The following KCTD16 variants were observed in gnomAD, a reference collection of about 807,000 sequenced individuals.
The protein encoded by KCTD16 is BTB/POZ domain-containing protein KCTD16.
A neutral mutation model predicts 33.2 loss-of-function variants in KCTD16; 13 were observed. That is an observed-to-expected ratio of 0.39 (90% CI 0.25 to 0.62). The LOEUF (loss-of-function observed/expected upper bound fraction) is 0.62. Among genes scored for constraint, KCTD16 ranks in the 20% least tolerant of loss-of-function variants. KCTD16 has a pLI of 0.50. For missense variants in KCTD16, 441 were observed against 525.1 expected (o/e 0.84, Z 1.57); for synonymous variants, 197 against 195.3 (o/e 1.01, Z -0.07).
At chr5:144,324,554 A>G (rs910610141) in intron 3 of KCTD16, among the ~76,000 whole-genome samples, 7 of 152,198 alleles carry the variant, frequency 4.6e-5, no homozygotes, top group Non-Finnish European at 1.0e-4. Context: ...ATACCATTTG[A>G]TCCAGCAATC....
At chr5:144,344,384 C>G (rs1752727388) in intron 3 of KCTD16, among the ~76,000 whole-genome samples, 1 of 136,172 alleles carries the variant, frequency 7.3e-6, no homozygotes, top group Admixed American at 7.3e-5. Context: ...AGCTTCTGCA[C>G]AGCAAAAGAA....
chr5:144,397,040 A>G (rs1468513293), intron 3 of KCTD16, among the ~76,000 whole-genome samples: 3 of 151,110 alleles, frequency 2.0e-5, no homozygotes, highest in Non-Finnish European at 4.4e-5. Flanking sequence ...CGTCATTTAC[A>G]TTAGGTATAT....
chr5:144,429,816 C>A (rs1243936757), intron 3 of KCTD16, among the ~76,000 whole-genome samples: 1 of 151,986 alleles, frequency 6.6e-6, no homozygotes, highest in African/African-American at 2.4e-5. Context: ...CAGGAATATA[C>A]AGTGCCGCCA....
intron 2 of KCTD16, among the ~76,000 whole-genome samples, chr5:144,193,530 A>G (rs1752884375): frequency 1.3e-5 from 2 of 152,030 alleles, no homozygotes; most frequent in South Asian, 4.1e-4. Flanking sequence ...AAGATTTTTT[A>G]AATATTACCT....
rs1302590839 is a variant in KCTD16 at position 144,376,406 on chromosome 5, A to G, written c.833-97254A>G. ...TAATAATTCCTTTGTAGAGAGAGAT[A>G]GACTTTGCTGAGAAAATGATTTGAT... On this transcript the variant is annotated intron_variant, in intron 3 of 3. Coordinates refer to ENST00000512467, the MANE Select transcript of KCTD16 (RefSeq NM_020768.4). Among the ~76,000 whole-genome samples, 4 of 152,218 alleles carry G rather than the reference A, an allele frequency of 2.6e-5. No homozygotes were observed. In the South Asian group the frequency reaches 8.3e-4, roughly 32 times the overall value.
intron 3 of KCTD16, among the ~76,000 whole-genome samples, chr5:144,465,802 G>A (rs1445488197): frequency 2.5e-5 from 1 of 39,730 alleles, no homozygotes; most frequent in Non-Finnish European, 5.3e-5. Flanking sequence ...TTTTTTTTTT[G>A]CCAGGAGGAT....
At chr5:144,360,935 G>A (rs1348002616) in intron 3 of KCTD16, among the ~76,000 whole-genome samples, 1 of 150,656 alleles carries the variant, frequency 6.6e-6, no homozygotes, top group South Asian at 2.1e-4. Context: ...TTAAGTTTTA[G>A]GGTACATGTG....
chr5:144,343,768 T>C (rs1466147847), intron 3 of KCTD16, among the ~76,000 whole-genome samples: 1 of 152,218 alleles, frequency 6.6e-6, no homozygotes, highest in African/African-American at 2.4e-5. Flanking sequence ...CCAGAGATTC[T>C]GGTATGTTGT....
At chr5:144,243,378 G>T (rs545797715) in intron 3 of KCTD16, among the ~76,000 whole-genome samples, 4 of 152,124 alleles carry the variant, frequency 2.6e-5, no homozygotes, top group African/African-American at 9.7e-5. Context: ...TCCTCCTCAA[G>T]GGGAGAATAT....
chr5:144,202,807 A>T (rs1355591930), intron 2 of KCTD16, among the ~76,000 whole-genome samples: 6 of 152,220 alleles, frequency 3.9e-5, no homozygotes, highest in Non-Finnish European at 7.3e-5. Flanking sequence ...AGGTGGTATG[A>T]TCAAATCATG....
At chr5:144,312,225 G>A (rs1299377007) in intron 3 of KCTD16, among the ~76,000 whole-genome samples, 1 of 152,178 alleles carries the variant, frequency 6.6e-6, no homozygotes, top group Non-Finnish European at 1.5e-5. Context: ...TGGAGATTCT[G>A]TTTATACGTG....
chr5:144,194,892 A>C (rs540559287), intron 2 of KCTD16, among the ~76,000 whole-genome samples: 1 of 152,232 alleles, frequency 6.6e-6, no homozygotes, highest in Non-Finnish European at 1.5e-5. Flanking sequence ...TGTGAATACT[A>C]TGAATTTGTG....
rs971485328 is a variant in KCTD16, at chr5:144,483,443, C to T, written c.*9329C>T. The T allele has an allele frequency of 2.0e-5, 3 of 151,830 alleles. No homozygotes were observed. Among genetic ancestry groups the T allele is most frequent in the Admixed American group, 1.3e-4 (2 of 15,210 alleles). 9.4% of individuals were successfully genotyped at this position (151,830 alleles called of 1,614,324 possible). A position where few individuals can be genotyped will look rare whatever the true frequency, so the allele number is the denominator to read the frequency against. On this transcript the variant is annotated 3_prime_UTR_variant, in exon 4 of 4. Coordinates refer to ENST00000512467, the MANE Select transcript of KCTD16 (RefSeq NM_020768.4). ...AAATAGATACTAAAAGTCATGGGCA[C>T]ATTGTAATAATCACAAAGTTTTAGT...
intron 3 of KCTD16, among the ~76,000 whole-genome samples, chr5:144,311,265 G>C (rs185033699): frequency 2.6e-5 from 4 of 152,144 alleles, no homozygotes; most frequent in Non-Finnish European, 4.4e-5. Flanking sequence ...CACAAGTACT[G>C]TAGAAATTAA....
Position 144,479,365 on chromosome 5 carries a change from C to CAAAAAAAAAAAAAAAAAAAAAAAAA in KCTD16, c.*5267_*5268insAAAAAAAAAAAAAAAAAAAAAAAAA, listed in dbSNP as rs368957124. The CAAAAAAAAAAAAAAAAAAAAAAAAA allele has an allele frequency of 1.1e-5, 1 of 92,474 alleles. No individual in the cohort carries two copies. Among genetic ancestry groups the CAAAAAAAAAAAAAAAAAAAAAAAAA allele is most frequent in the Non-Finnish European group, 2.0e-5 (1 of 48,966 alleles). The allele number at this position is 92,474 out of a possible 1,614,324, so 5.7% of individuals were successfully genotyped here. A position where few individuals can be genotyped will look rare whatever the true frequency, so the allele number is the denominator to read the frequency against. On this transcript the variant is annotated 3_prime_UTR_variant, in exon 4 of 4. Coordinates refer to ENST00000512467, the MANE Select transcript of KCTD16 (RefSeq NM_020768.4). ...CCAAACTGATGTGTAAGAATAAATGCAAAAAAAAAAAAAAAAGAAAAAGAA... is the reference window on the plus strand; with the variant it reads ...CCAAACTGATGTGTAAGAATAAATGCAAAAAAAAAAAAAAAAAAAAAAAAAAAAAAAAAAAAAAAAAGAAAAAGAA...
chr5:144,206,849 C>T lies in KCTD16; in HGVS notation c.135C>T (p.Ser45=), dbSNP rs1753189525. 1 of 1,614,154 alleles carries T rather than the reference C, an allele frequency of 6.2e-7. No homozygotes were observed. The highest frequency in any genetic ancestry group is 1.3e-5 in the African/African-American group (1 of 75,046). The change falls in exon 3 of 4, where the codon AGC becomes AGT. Residue 45 remains serine, a synonymous_variant. Transcript: ENST00000512467. Reference sequence around the variant, plus strand: ...TTACTCGCCATTCCACATTGATAAGCATCCCTCATTCCCTCCTGTGGAAAA... The same window carrying T: ...TTACTCGCCATTCCACATTGATAAGTATCCCTCATTCCCTCCTGTGGAAAA... ...VYFTRHSTLI[S]IPHSLLWKMF...
intron 3 of KCTD16, among the ~76,000 whole-genome samples, chr5:144,227,187 A>AAGCAGGCTGGGTTT (rs1753959807): frequency 3.9e-5 from 6 of 152,334 alleles, no homozygotes; most frequent in Admixed American, 2.0e-4. Context: ...ATGGAGAATG[A>AAGCAGGCTGGGTTT]AGCAGGCTGG....
chr5:144,184,201 T>A (rs897279483), intron 2 of KCTD16, among the ~76,000 whole-genome samples: 12 of 152,224 alleles, frequency 7.9e-5, no homozygotes, highest in Non-Finnish European at 1.5e-4. Flanking sequence ...GAAACTAATC[T>A]CTATAACTTT....
chr5:144,335,348 G>A (rs751413642), intron 3 of KCTD16, among the ~76,000 whole-genome samples: 4 of 152,214 alleles, frequency 2.6e-5, no homozygotes, highest in African/African-American at 4.8e-5. Context: ...AAAATAAATA[G>A]CTTATAGCCA....
Sources: gnomAD v4.1 joint callset for allele counts (sites outside exome capture counted in the v4.1 genomes callset) on GRCh38, gnomAD v4.1.1 for gene constraint, MANE v1.5 for transcripts, NCBI Gene and HGNC (gene_info 2026-07-23, HGNC 2026-07-21) for gene names.